The following OPCML variants were observed in gnomAD, a reference collection of about 807,000 sequenced individuals.
The protein encoded by OPCML is opioid binding protein/cell adhesion molecule like.
In OPCML, 13 loss-of-function variants were observed where a neutral mutation model predicts 37.8. The ratio of observed to expected loss-of-function variants is 0.34; its 90% CI spans 0.22 to 0.55. The LOEUF is 0.55. Among genes scored for constraint, OPCML ranks in the 20% least tolerant of loss-of-function variants. The probability of loss-of-function intolerance (pLI) is 0.91; values close to 1 mark genes in which losing one functional copy is unlikely to be tolerated. For missense variants in OPCML, 341 were observed against 435.6 expected (o/e 0.78, Z 1.93); for synonymous variants, 176 against 168.8 (o/e 1.04, Z -0.33).
intron 2 of OPCML, among the ~76,000 whole-genome samples, chr11:132,811,057 G>A (rs994428678): frequency 6.6e-6 from 1 of 152,118 alleles, no homozygotes; most frequent in East Asian, 1.9e-4. Context: ...AATTTCATAA[G>A]CAACATCTGG....
intron 1 of OPCML, among the ~76,000 whole-genome samples, chr11:132,988,316 T>A (rs956314200): frequency 1.3e-5 from 2 of 152,214 alleles, no homozygotes; most frequent in Admixed American, 1.3e-4. Flanking sequence ...ATTTACTCCA[T>A]CATTTTCCTA....
At chr11:133,463,025 C>G (rs199852465) in intron 1 of OPCML, among the ~76,000 whole-genome samples, 1 of 147,676 alleles carries the variant, frequency 6.8e-6, no homozygotes, top group African/African-American at 2.5e-5. Context: ...AATTATGACA[C>G]AAGCCACAGC....
At chr11:133,254,765 T>C (rs2136442036) in intron 1 of OPCML, among the ~76,000 whole-genome samples, 1 of 152,326 alleles carries the variant, frequency 6.6e-6, no homozygotes, top group African/African-American at 2.4e-5. Context: ...GAGTCAAGTT[T>C]GCAGGGGAGT....
intron 4 of OPCML, among the ~76,000 whole-genome samples, chr11:132,497,714 T>A (rs2096235892): frequency 6.6e-6 from 1 of 152,148 alleles, no homozygotes; most frequent in South Asian, 2.1e-4. Flanking sequence ...CAGAGGGGAA[T>A]AATGATAGAA....
chr11:133,261,356 C>G (rs964299503), intron 1 of OPCML, among the ~76,000 whole-genome samples: 1 of 152,216 alleles, frequency 6.6e-6, no homozygotes, highest in Non-Finnish European at 1.5e-5. Context: ...GTCTGTCCCC[C>G]CCATCTTTCC....
intron 1 of OPCML, among the ~76,000 whole-genome samples, chr11:133,017,026 C>T (rs924200861): frequency 6.6e-6 from 1 of 152,164 alleles, no homozygotes; most frequent in Non-Finnish European, 1.5e-5. Flanking sequence ...ACACAATAAA[C>T]ATTGATTTTT....
intron 1 of OPCML, among the ~76,000 whole-genome samples, chr11:133,404,651 G>A (rs959791329): frequency 2.6e-5 from 4 of 152,226 alleles, no homozygotes; most frequent in Admixed American, 6.5e-5. Context: ...GTAACGATAA[G>A]AGAAGCATAA....
chr11:133,407,007 T>A (rs1376493683), intron 1 of OPCML, among the ~76,000 whole-genome samples: 1 of 152,178 alleles, frequency 6.6e-6, no homozygotes, highest in Non-Finnish European at 1.5e-5. Flanking sequence ...TCCTATTCAG[T>A]TTTGAAATAG....
intron 3 of OPCML, among the ~76,000 whole-genome samples, chr11:132,532,224 T>C (rs2096327541): frequency 1.3e-5 from 2 of 152,276 alleles, no homozygotes; most frequent in South Asian, 4.1e-4. Flanking sequence ...CTAACCAAGA[T>C]GTTCCCTCTA....
chr11:133,023,872 C>T (rs1042314278), intron 1 of OPCML, among the ~76,000 whole-genome samples: 2 of 152,230 alleles, frequency 1.3e-5, no homozygotes, highest in African/African-American at 4.8e-5. Context: ...ATAAAATTAA[C>T]ACTTGGGGAA....
intron 2 of OPCML, among the ~76,000 whole-genome samples, chr11:132,713,790 CTGCAGGAAGCTGCCTGT>C (rs1246408954): frequency 6.6e-6 from 1 of 152,200 alleles, no homozygotes; most frequent in Non-Finnish European, 1.5e-5. Context: ...CGTTCTCCAC[CTGCAGGAAGCTGCCTGT>C]CAGTAGCTAT....
At chr11:132,685,081 T>C (rs1004725292) in intron 2 of OPCML, among the ~76,000 whole-genome samples, 1 of 152,242 alleles carries the variant, frequency 6.6e-6, no homozygotes, top group African/African-American at 2.4e-5. Flanking sequence ...GATTAAATTA[T>C]GTATTGTCAA....
chr11:132,985,614 G>C (rs1292546780), intron 1 of OPCML, among the ~76,000 whole-genome samples: 2 of 152,142 alleles, frequency 1.3e-5, no homozygotes, highest in African/African-American at 4.8e-5. Flanking sequence ...ACTGGTGAAG[G>C]ACCTAATCAC....
At chr11:133,274,136 G>C (rs951244697) in intron 1 of OPCML, among the ~76,000 whole-genome samples, 7 of 152,100 alleles carry the variant, frequency 4.6e-5, no homozygotes, top group Non-Finnish European at 8.8e-5. Context: ...GTCTTAACTG[G>C]TGCTAGTTCC....
intron 2 of OPCML, among the ~76,000 whole-genome samples, chr11:132,754,285 G>C (rs1034841005): frequency 2.0e-5 from 3 of 152,196 alleles, no homozygotes; most frequent in Admixed American, 6.5e-5. Flanking sequence ...GTTGTGGAGG[G>C]ACCCGATGGG....
intron 1 of OPCML, among the ~76,000 whole-genome samples, chr11:133,232,345 G>GA (rs1940316948): frequency 6.6e-6 from 1 of 152,230 alleles, no homozygotes; most frequent in South Asian, 2.1e-4. Flanking sequence ...GAATTACTCT[G>GA]AGTTTCTCAA....
chr11:133,200,283 T>G (rs1351792017), intron 1 of OPCML, among the ~76,000 whole-genome samples: 2 of 152,196 alleles, frequency 1.3e-5, no homozygotes, highest in African/African-American at 4.8e-5. Context: ...ATTTCTACAT[T>G]TATATGCACC....
At position 133,156,774 on chromosome 11, in the gene OPCML, A is replaced by G. The variant is rs74783074; in HGVS notation, c.62-213764T>C. On this transcript the variant is annotated intron_variant, in intron 1 of 7. Coordinates refer to ENST00000524381, the MANE Select transcript of OPCML (RefSeq NM_001012393.5). ...TTGGAATCCCCACAACAGAAAATCT[A>G]CTTCTAACTAAAATTAAAAATAACA... 7.0e-3 allele frequency among the ~76,000 whole-genome samples: 1,072 copies of G among 152,292 alleles called. 8 individuals carry two copies. Among genetic ancestry groups the G allele is most frequent in the African/African-American group, 0.022 (927 of 41,558 alleles).
intron 1 of OPCML, among the ~76,000 whole-genome samples, chr11:133,371,410 A>G (rs60928814): frequency 0.33 from 50,414 of 152,134 alleles, 10,333 homozygotes; most frequent in African/African-American, 0.59. Context: ...AACATGGTTT[A>G]GCTCTGTGTC....
Sources: allele counts gnomAD v4.1 joint callset (sites outside exome capture counted in the v4.1 genomes callset), GRCh38; gene constraint gnomAD v4.1.1; transcripts MANE v1.5; gene names NCBI Gene and HGNC (gene_info 2026-07-23, HGNC 2026-07-21).